Variants in NDRG2 observed in about 807,000 individuals in gnomAD.
The protein encoded by NDRG2 is NDRG family member 2.
In NDRG2, 34 loss-of-function variants were observed where a neutral mutation model predicts 58.2. That is an observed-to-expected ratio of 0.58 (90% CI 0.44 to 0.78). The LOEUF (loss-of-function observed/expected upper bound fraction) is 0.78. Ranked by LOEUF, NDRG2 falls within the 30% of genes least tolerant of loss-of-function variation. NDRG2 has a pLI of 0.00. For missense variants in NDRG2, 434 were observed against 471.2 expected (o/e 0.92, Z 0.73); for synonymous variants, 187 against 175.9 (o/e 1.06, Z -0.50).
chr14:21,030,485 C>T (rs998164807), upstream of NDRG2: 38 of 1,304,892 alleles, frequency 2.9e-5, no homozygotes, highest in Middle Eastern at 7.1e-4. Context: ...CTGATTTTAC[C>T]ATAACACTCA....
In NDRG2 at chr14:21,070,433, CG is replaced by C; in HGVS notation, c.24+394del. 7.2e-7 allele frequency: 1 copy of C among 1,395,450 alleles called. No individual in the cohort carries two copies. Among genetic ancestry groups the C allele is most frequent in the Non-Finnish European group, 9.2e-7 (1 of 1,083,192 alleles). The allele number at this position is 1,395,450 out of a possible 1,614,324, so 86.4% of individuals were successfully genotyped here. A position where few individuals can be genotyped will look rare whatever the true frequency, so the allele number is the denominator to read the frequency against. The stretch of plus-strand genomic sequence containing the variant: ...AGCGTCGCAGCCCCCTGGGTCCCCT[CG>C]GCCTTCGCGCAGCCCGCTCCGGGCC... On this transcript the variant is annotated intron_variant, in intron 1 of 14. Transcript: ENST00000403829. The surrounding 1 kb of genome is among the most constrained non-coding windows in gnomAD (Gnocchi z 4.7).
In NDRG2 at chr14:21,057,800, ATGAAAT is replaced by A. The variant is rs1290238119; in HGVS notation, c.24+13022_24+13027del. The A allele has an allele frequency of 2.8e-6, 3 of 1,087,058 alleles. No homozygotes were observed. In the East Asian group the frequency reaches 7.6e-5, roughly 27 times the overall value. The allele number at this position is 1,087,058 out of a possible 1,614,324, so 67.3% of individuals were successfully genotyped here. On this transcript the variant is annotated intron_variant, in intron 1 of 14. Coordinates refer to the NDRG2 transcript ENST00000403829. ...TGCCCTGCAATAACTGGCTTAGGGT[ATGAAAT>A]TCTTAGAAGGACTAACAAGACTCCC... is the stretch of plus-strand genomic sequence containing the variant.
At chr14:21,032,196 A>AGATTT in intron 1 of NDRG2, 2 of 1,050,628 alleles carry the variant, frequency 1.9e-6, no homozygotes, top group Non-Finnish European at 2.9e-6. Flanking sequence ...TGAGGGACAG[A>AGATTT]TGAGCCTACT....
At chr14:21,067,663 T>G (rs1167554525) in intron 1 of NDRG2, among the ~76,000 whole-genome samples, 1 of 152,054 alleles carries the variant, frequency 6.6e-6, no homozygotes, top group Non-Finnish European at 1.5e-5. Flanking sequence ...CTAAGTCTGG[T>G]CTATTCCCAG....
chr14:21,023,307 C>T lies in NDRG2; in HGVS notation c.9G>A (p.Glu3=), dbSNP rs768987674. MA[E]LQEVQITEEK... ...CCTCTGTGATCTGCACCTCCTGCAGCTCCGCCATGGTGGCCTGGCAGGATG... is the reference window on the plus strand; with the variant it reads ...CCTCTGTGATCTGCACCTCCTGCAGTTCCGCCATGGTGGCCTGGCAGGATG... The change falls in exon 2 of 16, where the codon GAG becomes GAA. Residue 3 remains glutamate, a synonymous_variant. Transcript: ENST00000556147. The T allele has an allele frequency of 1.2e-6, 2 of 1,613,506 alleles. No individual in the cohort carries two copies. Among genetic ancestry groups the T allele is most frequent in the Non-Finnish European group, 1.7e-6 (2 of 1,179,792 alleles).
At chr14:21,046,684 C>A (rs1476878704) in intron 1 of NDRG2, among the ~76,000 whole-genome samples, 1 of 152,158 alleles carries the variant, frequency 6.6e-6, no homozygotes. Flanking sequence ...TAACCTTTGA[C>A]TCCCCCAAAA....
At chr14:21,066,160 G>T (rs921118201) in intron 1 of NDRG2, among the ~76,000 whole-genome samples, 2 of 152,138 alleles carry the variant, frequency 1.3e-5, no homozygotes, top group African/African-American at 4.8e-5. Flanking sequence ...GTGGCTGCAG[G>T]GTCACTAGTG....
chr14:21,028,260 TG>T (rs1438179851), upstream of NDRG2, among the ~76,000 whole-genome samples: 1 of 152,028 alleles, frequency 6.6e-6, no homozygotes, highest in African/African-American at 2.4e-5. Context: ...TGTTTTGTTT[TG>T]TTTTGTTTTT....
At chr14:21,057,977 C>A (rs1566506665) in intron 1 of NDRG2, 1 of 1,614,048 alleles carries the variant, frequency 6.2e-7, no homozygotes, top group Non-Finnish European at 8.5e-7. Flanking sequence ...CAGAGCCAAG[C>A]CCAAGGACAT....
Position 21,070,249 on chromosome 14 carries a change from G to T in NDRG2, c.24+579C>A. 1.2e-6 allele frequency: 1 copy of T among 850,788 alleles called. No individual in the cohort carries two copies. The highest frequency in any genetic ancestry group is 1.5e-6 in the Non-Finnish European group (1 of 658,436). The allele number at this position is 850,788 out of a possible 1,614,324, so 52.7% of individuals were successfully genotyped here. A position where few individuals can be genotyped will look rare whatever the true frequency, so the allele number is the denominator to read the frequency against. ...CGGCCCTCCCTGGCGGGGCCCCGCG[G>T]CCTGGAAGCCGGAGCGGGCCGAGCC... On this transcript the variant is annotated intron_variant, in intron 1 of 14. Transcript: ENST00000403829. The surrounding 1 kb of genome is among the most constrained non-coding windows in gnomAD (Gnocchi z 4.7).
At chr14:21,031,767 C>A in intron 1 of NDRG2, 1 of 1,073,118 alleles carries the variant, frequency 9.3e-7, no homozygotes, top group Non-Finnish European at 1.3e-6. Flanking sequence ...AAGAAAGCAG[C>A]ACCCCATGCC....
At chr14:21,044,834 C>T (rs1334026588) in intron 1 of NDRG2, among the ~76,000 whole-genome samples, 3 of 152,206 alleles carry the variant, frequency 2.0e-5, no homozygotes, top group African/African-American at 7.2e-5. Flanking sequence ...GGATTCCACT[C>T]TACCTATCCC....
upstream of NDRG2, chr14:21,025,792 G>T: frequency 1.2e-6 from 1 of 804,326 alleles, no homozygotes; most frequent in Non-Finnish European, 1.5e-6. The surrounding 1 kb of genome is among the most constrained non-coding windows in gnomAD (Gnocchi z 5.1). Flanking sequence ...AATAGAGGGC[G>T]ATCGCGGGCA....
intron 1 of NDRG2, chr14:21,031,329 G>A (rs1198317253): frequency 6.6e-6 from 6 of 903,962 alleles, no homozygotes; most frequent in Non-Finnish European, 9.5e-6. Flanking sequence ...GCCCAGAGAA[G>A]GGAAGTGACT....
At chr14:21,043,327 C>T (rs1238082598) in intron 1 of NDRG2, 2 of 1,614,064 alleles carry the variant, frequency 1.2e-6, no homozygotes, top group African/African-American at 1.3e-5. Context: ...TGTAAGCTCA[C>T]CTCAGGGAAG....
intron 2 of NDRG2, 164 bp from the exon 3 acceptor site, chr14:21,023,069 T>C (rs1415005026): frequency 1.0e-6 from 1 of 978,566 alleles, no homozygotes; most frequent in Non-Finnish European, 1.6e-6. Flanking sequence ...GTTAGTGTAG[T>C]GACGAGACAA....
At chr14:21,046,900 C>T (rs998985449) in intron 1 of NDRG2, 3 of 152,174 alleles carry the variant, frequency 2.0e-5, no homozygotes, top group South Asian at 4.1e-4. Context: ...TCATAAAAGT[C>T]TTCATCCTCA....
intron 1 of NDRG2, among the ~76,000 whole-genome samples, chr14:21,060,784 A>T (rs912883756): frequency 6.6e-6 from 1 of 152,166 alleles, no homozygotes; most frequent in East Asian, 1.9e-4. Flanking sequence ...TGGAAACATC[A>T]TACTCGATCA....
At chr14:21,020,299 AAAAAAAAAAAAG>A (rs1412631640) in intron 8 of NDRG2, 185 bp downstream of exon 8, 11 of 570,578 alleles carry the variant, frequency 1.9e-5, no homozygotes, top group Non-Finnish European at 3.4e-5. Context: ...ATCTCAAAAA[AAAAAAAAAAAAG>A]AAAAAGAAAA....
Sources: gnomAD v4.1 joint callset for allele counts (sites outside exome capture counted in the v4.1 genomes callset) on GRCh38, gnomAD v4.1.1 for gene constraint, Gnocchi (gnomAD v3.1) non-coding constraint, MANE v1.5 for transcripts, NCBI Gene and HGNC (gene_info 2026-07-23, HGNC 2026-07-21) for gene names.